KIF3C: variants seen among roughly 807,000 people sequenced by gnomAD.
KIF3C encodes kinesin family member 3C, also known as kinesin-like protein KIF3C.
KIF3C carries 12 observed loss-of-function variants against 67.7 expected under a neutral mutation model. The ratio of observed to expected loss-of-function variants is 0.18; its 90% CI spans 0.11 to 0.29. KIF3C has a LOEUF of 0.29. Ranked by LOEUF, KIF3C falls within the 10% of genes least tolerant of loss-of-function variation. The pLI is 1.00. For synonymous variants in KIF3C, 393 were observed against 426.2 expected, an observed-to-expected ratio of 0.92 and a Z score of 0.96; for missense variants, 789 against 1,059.6, an observed-to-expected ratio of 0.74 and a Z score of 3.55.
At chr2:25,946,398 T>C (rs1367437388) in intron 5 of KIF3C, among the ~76,000 whole-genome samples, 1 of 150,558 alleles carries the variant, frequency 6.6e-6, no homozygotes, top group Non-Finnish European at 1.5e-5. Flanking sequence ...CTACTAAAAA[T>C]ATAAAAATTA....
chr2:25,981,653 A>C lies in KIF3C; in HGVS notation c.265T>G (p.Phe89Val). 6.2e-7 allele frequency: 1 copy of C among 1,614,110 alleles called. No homozygotes were observed. Among genetic ancestry groups the C allele is most frequent in the Non-Finnish European group, 8.5e-7 (1 of 1,180,040 alleles). Reference protein sequence around the residue: ...RPLIDSVLQGFNGTVFAYGQT... With the variant: ...RPLIDSVLQGVNGTVFAYGQT... ...CCATAGGCAAACACCGTGCCATTGA[A>C]ACCCTGGAGCACGGAGTCTATCAGG... The change falls in exon 1 of 8, where the codon TTC (phenylalanine) becomes GTC (valine). Residue 89 changes from phenylalanine to valine, a missense_variant. Transcript: ENST00000264712. The surrounding 1 kb of genome is among the most constrained non-coding windows in gnomAD (Gnocchi z 8.2).
intron 1 of KIF3C, among the ~76,000 whole-genome samples, chr2:25,965,924 A>G (rs1664129706): frequency 6.6e-6 from 1 of 152,002 alleles, no homozygotes; most frequent in Non-Finnish European, 1.5e-5. Flanking sequence ...GGGGGTGGAA[A>G]AGACAGGGCT....
chr2:25,949,831 C>A (rs1416199520), intron 5 of KIF3C, among the ~76,000 whole-genome samples: 3 of 150,496 alleles, frequency 2.0e-5, no homozygotes, highest in Admixed American at 6.6e-5. Context: ...ATTAGCCAGG[C>A]GTGGTAGCAT....
chr2:25,957,502 G>T (rs1042043968), intron 1 of KIF3C, among the ~76,000 whole-genome samples: 4 of 152,170 alleles, frequency 2.6e-5, no homozygotes, highest in Admixed American at 1.3e-4. Context: ...TGCTGTCCCA[G>T]GGTACCCAGT....
At chr2:25,954,880 G>C (rs1663766605) in intron 3 of KIF3C, among the ~76,000 whole-genome samples, 1 of 152,142 alleles carries the variant, frequency 6.6e-6, no homozygotes, top group African/African-American at 2.4e-5. Context: ...TGTGGAGGTA[G>C]CATGGCCATC....
rs571472697 is a variant in KIF3C, at chr2:25,955,660, G to A, written c.1651C>T (p.Arg551Cys). The A allele has an allele frequency of 6.2e-6, 10 of 1,614,086 alleles. No individual in the cohort carries two copies. The highest frequency in any genetic ancestry group is 2.7e-5 in the African/African-American group (2 of 75,046). The change falls in exon 3 of 8, where the codon CGT becomes TGT. Residue 551 changes from arginine to cysteine, a missense_variant. Arg to Cys is a radical substitution (Grantham distance 180). This residue lies in a region of KIF3C where 648 missense variants were observed against 807.8 expected (regional missense o/e 0.80). Transcript: ENST00000264712. This position sits in a 1 kb window ranked among gnomAD's most constrained non-coding sequence, Gnocchi z 5.0. ...LKRQEIAEQK[R>C]REREMQQEMM... ...TCCTGCTGCATCTCCCGCTCACGAC[G>A]TTTCTAGGCCAAGGACGGGCAGTGT...
chr2:25,967,607 G>A (rs1664177028), intron 1 of KIF3C, among the ~76,000 whole-genome samples: 1 of 152,206 alleles, frequency 6.6e-6, no homozygotes, highest in Non-Finnish European at 1.5e-5. Context: ...AGGAGTTCAA[G>A]ACCAGCCTGG....
chr2:25,928,795 A>G lies in KIF3C; in HGVS notation c.*183T>C. 5.2e-6 allele frequency: 3 copies of G among 573,310 alleles called. No individual in the cohort carries two copies. Among genetic ancestry groups the G allele is most frequent in the East Asian group, 3.0e-5 (1 of 33,714 alleles). 35.5% of individuals were successfully genotyped at this position (573,310 alleles called of 1,614,324 possible). ...GAACAGAGCTCCGCGAATAAATAAC[A>G]TGAATTAAATAAAGGAGGCGAAGAA... is the stretch of plus-strand genomic sequence containing the variant. On this transcript the variant is annotated 3_prime_UTR_variant, in exon 8 of 8. Coordinates refer to ENST00000264712, the MANE Select transcript of KIF3C (RefSeq NM_002254.8).
At position 25,955,072 on chromosome 2, in the gene KIF3C, T is replaced by A. The variant is rs1312758663; in HGVS notation, c.1770+469A>T. Among the ~76,000 whole-genome samples, 1 of 152,194 alleles carries A rather than the reference T, an allele frequency of 6.6e-6. No individual in the cohort carries two copies. On this transcript the variant is annotated intron_variant, in intron 3 of 7. Transcript: ENST00000264712. The surrounding 1 kb of genome is among the most constrained non-coding windows in gnomAD (Gnocchi z 5.0). Reference sequence around the variant, plus strand: ...TAGACCCCCCTCACATGTACATGTCTTTCCCTTGCCACGGGCTTTGCAGGG... The same window carrying A: ...TAGACCCCCCTCACATGTACATGTCATTCCCTTGCCACGGGCTTTGCAGGG...
intron 4 of KIF3C, among the ~76,000 whole-genome samples, chr2:25,952,116 A>C (rs1045336543): frequency 6.6e-6 from 1 of 151,928 alleles, no homozygotes; most frequent in Non-Finnish European, 1.5e-5. Flanking sequence ...ACAGTGAAAC[A>C]CCATTTCCGT....
Position 25,981,958 on chromosome 2 carries a change from C to A in KIF3C, c.-41G>T, listed in dbSNP as rs1457477304. 1.4e-6 allele frequency: 2 copies of A among 1,470,816 alleles called. No homozygotes were observed. The highest frequency in any genetic ancestry group is 1.8e-6 in the Non-Finnish European group (2 of 1,104,816). 91.1% of individuals were successfully genotyped at this position (1,470,816 alleles called of 1,614,324 possible). On this transcript the variant is annotated 5_prime_UTR_variant, in exon 1 of 8. Transcript: ENST00000264712. This position sits in a 1 kb window ranked among gnomAD's most constrained non-coding sequence, Gnocchi z 8.2. ...TTCCTGCCCCCGAGCCCCTCCGCAG[C>A]CTGGGCGGTCCTGCTATCCTGCTCG...
Position 25,955,415 on chromosome 2 carries a change from A to C in KIF3C, c.1770+126T>G. On this transcript the variant is annotated intron_variant, in intron 3 of 7. Transcript: ENST00000264712. This position sits in a 1 kb window ranked among gnomAD's most constrained non-coding sequence, Gnocchi z 5.0. ...CCCCCTGTTGCTCACCCCCGAGGCCAAGCCATGTCACTCAGGGGTTCAGCA... is the reference window on the plus strand; with the variant it reads ...CCCCCTGTTGCTCACCCCCGAGGCCCAGCCATGTCACTCAGGGGTTCAGCA... The C allele has an allele frequency of 1.3e-5, 15 of 1,174,064 alleles. No homozygotes were observed. The highest frequency in any genetic ancestry group is 2.6e-5 in the East Asian group (1 of 38,706). The allele number at this position is 1,174,064 out of a possible 1,614,324, so 72.7% of individuals were successfully genotyped here.
chr2:25,960,584 G>A (rs987710619), intron 1 of KIF3C, among the ~76,000 whole-genome samples: 1 of 152,090 alleles, frequency 6.6e-6, no homozygotes, highest in Non-Finnish European at 1.5e-5. Context: ...CTGCTTGGCA[G>A]ATAACCATCT....
Position 25,982,342 on chromosome 2 carries a change from T to C in KIF3C, c.-425A>G. 2.5e-6 allele frequency: 1 copy of C among 398,992 alleles called. No individual in the cohort carries two copies. The highest frequency in any genetic ancestry group is 4.4e-6 in the Non-Finnish European group (1 of 226,400). 24.7% of individuals were successfully genotyped at this position (398,992 alleles called of 1,614,324 possible). A position where few individuals can be genotyped will look rare whatever the true frequency, so the allele number is the denominator to read the frequency against. Reference sequence around the variant, plus strand: ...AGGGATCCATAGCGTGGGCTGCCGGTCGTGGGCGGCCGGGGGTCCCGGGCC... The same window carrying C: ...AGGGATCCATAGCGTGGGCTGCCGGCCGTGGGCGGCCGGGGGTCCCGGGCC... On this transcript the variant is annotated 5_prime_UTR_variant, in exon 1 of 8. Coordinates refer to ENST00000264712, the MANE Select transcript of KIF3C (RefSeq NM_002254.8).
chr2:25,930,819 G>A (rs557527321), intron 5 of KIF3C, among the ~76,000 whole-genome samples: 6 of 152,160 alleles, frequency 3.9e-5, no homozygotes, highest in Non-Finnish European at 5.9e-5. Context: ...AATTACAGGC[G>A]TGAGCCACCG....
intron 1 of KIF3C, among the ~76,000 whole-genome samples, chr2:25,972,634 C>T (rs1664311193): frequency 6.6e-6 from 1 of 152,144 alleles, no homozygotes. Context: ...GGGCTGGTGT[C>T]CTTGGGGACA....
chr2:25,962,932 C>CATATAATATATAATATATAATATATAAT (rs1182257616), intron 1 of KIF3C, among the ~76,000 whole-genome samples: 1 of 36,588 alleles, frequency 2.7e-5, no homozygotes, highest in Non-Finnish European at 4.6e-5. Flanking sequence ...ATATATAATA[C>CATATAATATATAATATATAATATATAAT]ATATAATATA....
rs1035011914 is a variant in KIF3C, at chr2:25,950,270, C to T, written c.2006+1519G>A. Among the ~76,000 whole-genome samples the T allele has an allele frequency of 2.0e-5, 3 of 149,408 alleles. No homozygotes were observed. The Admixed American group carries it at 2.0e-4, about 10-fold the overall frequency. On this transcript the variant is annotated intron_variant, in intron 5 of 7. Coordinates refer to ENST00000264712, the MANE Select transcript of KIF3C (RefSeq NM_002254.8). ...CTTGCTCTTGTTGCCCAGGCTGGAG[C>T]GCAATGGAGTGATCTTGGCTCACTG...
At chr2:25,951,520 G>A in intron 5 of KIF3C, 1 of 408,750 alleles carries the variant, frequency 2.4e-6, no homozygotes, top group East Asian at 5.0e-5. Context: ...AAGAGGCTGA[G>A]ATGCTCTTCC....
Sources: gnomAD v4.1 joint callset for allele counts (sites outside exome capture counted in the v4.1 genomes callset) on GRCh38, gnomAD v4.1.1 for gene constraint, gnomAD v4.1.1 regional missense constraint, Gnocchi (gnomAD v3.1) non-coding constraint, MANE v1.5 for transcripts, NCBI Gene and HGNC (gene_info 2026-07-23, HGNC 2026-07-21) for gene names.